The following NRG1 variants were observed in gnomAD, a reference collection of about 807,000 sequenced individuals.
The protein encoded by NRG1 is pro-neuregulin-1, membrane-bound isoform.
Under a neutral mutation model 63.8 loss-of-function variants are expected in NRG1, and 18 were observed. That is an observed-to-expected ratio of 0.28 (90% confidence interval 0.19 to 0.42). NRG1 has a LOEUF of 0.42. Among genes scored for constraint, NRG1 ranks in the 10% least tolerant of loss-of-function variants. The pLI, the probability that NRG1 is intolerant of heterozygous loss-of-function variation, is 1.00. For synonymous variants in NRG1, 302 were observed against 301.3 expected (o/e 1.00, Z -0.02); for missense variants, 762 against 814.7 (o/e 0.94, Z 0.79).
chr8:32,336,759 G>A (rs900701665), intron 1 of NRG1, among the ~76,000 whole-genome samples: 4 of 152,198 alleles, frequency 2.6e-5, no homozygotes, highest in African/African-American at 4.8e-5. Context: ...ACAAGTGCCC[G>A]CAGCTAAACC....
chr8:31,680,772 T>C (rs139705584), intron 1 of NRG1, among the ~76,000 whole-genome samples: 1 of 152,208 alleles, frequency 6.6e-6, no homozygotes, highest in Non-Finnish European at 1.5e-5. Flanking sequence ...GTAAAAGTGT[T>C]CCTATTTCTC....
intron 1 of NRG1, among the ~76,000 whole-genome samples, chr8:32,297,934 T>G (rs765663258): frequency 2.8e-4 from 43 of 152,254 alleles, no homozygotes; most frequent in Non-Finnish European, 2.6e-4. Flanking sequence ...ATGAGAAGAA[T>G]GCTTTGCAAC....
chr8:32,267,009 A>G (rs1458769458), intron 1 of NRG1, among the ~76,000 whole-genome samples: 2 of 151,860 alleles, frequency 1.3e-5, no homozygotes, highest in Non-Finnish European at 2.9e-5. Context: ...AGATTGCGCC[A>G]CTGCACTCCA....
chr8:32,282,592 T>C (rs1475429542), intron 1 of NRG1, among the ~76,000 whole-genome samples: 1 of 152,062 alleles, frequency 6.6e-6, no homozygotes, highest in Non-Finnish European at 1.5e-5. Flanking sequence ...GCTGTTCTCA[T>C]CAGCCTCACC....
chr8:32,029,652 G>A (rs992519120), intron 1 of NRG1, among the ~76,000 whole-genome samples: 2 of 152,206 alleles, frequency 1.3e-5, no homozygotes, highest in East Asian at 3.8e-4. Flanking sequence ...TAAGTACTAA[G>A]TTAGGTTTTA....
chr8:32,710,639 A>T (rs1817576654), intron 5 of NRG1, among the ~76,000 whole-genome samples: 1 of 152,194 alleles, frequency 6.6e-6, no homozygotes, highest in African/African-American at 2.4e-5. Context: ...CATATTTTTT[A>T]AAAGGAAAAT....
chr8:32,731,384 C>T (rs1228697688), intron 6 of NRG1, among the ~76,000 whole-genome samples: 1 of 151,096 alleles, frequency 6.6e-6, no homozygotes, highest in Middle Eastern at 3.4e-3. Context: ...TCATTCTTGC[C>T]TTCTAGTTCT....
intron 1 of NRG1, among the ~76,000 whole-genome samples, chr8:32,169,530 G>A (rs1024407208): frequency 3.9e-5 from 6 of 152,202 alleles, no homozygotes; most frequent in African/African-American, 1.4e-4. Context: ...GTTTGACAGT[G>A]ATTAGTGTAA....
rs558890443 is a variant in NRG1 at position 32,512,320 on chromosome 8, C to T, written c.38-83508C>T. ...CTTTGACATCAGCTATATAATTTAGCCATTTGGCAATATTAATCATAACTT... is the reference window on the plus strand; with the variant it reads ...CTTTGACATCAGCTATATAATTTAGTCATTTGGCAATATTAATCATAACTT... On this transcript the variant is annotated intron_variant, in intron 1 of 10. Transcript: ENST00000519301. 2.0e-5 allele frequency among the ~76,000 whole-genome samples: 3 copies of T among 152,268 alleles called. No individual in the cohort carries two copies. The South Asian group carries it at 6.2e-4, about 32-fold the overall frequency.
At chr8:31,789,201 G>A (rs1820457828) in intron 1 of NRG1, among the ~76,000 whole-genome samples, 1 of 152,184 alleles carries the variant, frequency 6.6e-6, no homozygotes, top group Non-Finnish European at 1.5e-5. Context: ...GAGTTGTAGA[G>A]CCTGTGTAGA....
At chr8:32,464,580 GT>G (rs1822816981) in intron 1 of NRG1, among the ~76,000 whole-genome samples, 1 of 152,146 alleles carries the variant, frequency 6.6e-6, no homozygotes, top group Non-Finnish European at 1.5e-5. Flanking sequence ...CTTAGAAAAT[GT>G]ATGAGATGTT....
intron 1 of NRG1, among the ~76,000 whole-genome samples, chr8:32,027,661 T>C (rs1182536476): frequency 4.6e-5 from 7 of 152,122 alleles, no homozygotes; most frequent in East Asian, 1.9e-4. Flanking sequence ...GAATTTACTT[T>C]CATGGATTAT....
intron 1 of NRG1, among the ~76,000 whole-genome samples, chr8:32,583,739 A>G (rs931100113): frequency 6.6e-6 from 1 of 152,188 alleles, no homozygotes; most frequent in Non-Finnish European, 1.5e-5. Context: ...TTCTTAGACT[A>G]CCACTATTTA....
intron 1 of NRG1, among the ~76,000 whole-genome samples, chr8:31,760,157 T>G (rs1817381288): frequency 6.6e-6 from 1 of 152,154 alleles, no homozygotes; most frequent in African/African-American, 2.4e-5. Context: ...CGCCTAGGTT[T>G]TCTTCTAGGG....
intron 1 of NRG1, among the ~76,000 whole-genome samples, chr8:31,814,249 C>T (rs994627369): frequency 6.6e-6 from 1 of 152,190 alleles, no homozygotes; most frequent in Non-Finnish European, 1.5e-5. Context: ...CTTTACTTGT[C>T]ATCTCTAGCT....
chr8:32,023,352 G>T (rs1314573088), intron 1 of NRG1, among the ~76,000 whole-genome samples: 1 of 152,100 alleles, frequency 6.6e-6, no homozygotes, highest in African/African-American at 2.4e-5. Context: ...CACAAAAGTG[G>T]AATGAAACTT....
intron 1 of NRG1, among the ~76,000 whole-genome samples, chr8:32,151,981 A>T (rs144061858): frequency 1.3e-5 from 2 of 152,232 alleles, no homozygotes; most frequent in South Asian, 4.1e-4. Context: ...ATGCCTTATC[A>T]GTGAGTTAGG....
intron 1 of NRG1, among the ~76,000 whole-genome samples, chr8:32,147,727 T>G (rs1468989800): frequency 6.6e-6 from 1 of 152,162 alleles, no homozygotes; most frequent in African/African-American, 2.4e-5. Flanking sequence ...ACTTGTTAAA[T>G]GGATTCTGAA....
intron 5 of NRG1, among the ~76,000 whole-genome samples, chr8:32,720,913 C>T (rs1820473859): frequency 6.6e-6 from 1 of 152,174 alleles, no homozygotes; most frequent in South Asian, 2.1e-4. Flanking sequence ...TTTGCTCAGC[C>T]ACTGCTGGGA....
Sources: gnomAD v4.1 joint callset for allele counts (sites outside exome capture counted in the v4.1 genomes callset) on GRCh38, gnomAD v4.1.1 for gene constraint, MANE v1.5 for transcripts, NCBI Gene and HGNC (gene_info 2026-07-23, HGNC 2026-07-21) for gene names.